BCAS1: variants seen among roughly 807,000 people sequenced by gnomAD.
BCAS1 encodes brain enriched myelin associated protein 1, also known as breast carcinoma-amplified sequence 1.
BCAS1 carries 46 observed loss-of-function variants against 65.4 expected under a neutral mutation model. The ratio of observed to expected loss-of-function variants is 0.70; its 90% CI spans 0.55 to 0.90. BCAS1 has a LOEUF of 0.90. BCAS1 is among the 40% of genes least tolerant of loss of function. BCAS1 has a pLI of 0.00. For missense variants in BCAS1, 793 were observed against 771.2 expected, an observed-to-expected ratio of 1.03 and a Z score of -0.33; for synonymous variants, 298 against 293.5, an observed-to-expected ratio of 1.02 and a Z score of -0.16.
At chr20:54,047,384 G>A (rs753034158) in intron 3 of BCAS1, among the ~76,000 whole-genome samples, 4 of 152,216 alleles carry the variant, frequency 2.6e-5, no homozygotes, top group South Asian at 2.1e-4. Context: ...GGGTTATTGC[G>A]TGGTGGGTTG....
At chr20:54,041,843 G>A (rs1334413822) in intron 3 of BCAS1, among the ~76,000 whole-genome samples, 3 of 94,862 alleles carry the variant, frequency 3.2e-5, no homozygotes, top group Non-Finnish European at 4.6e-5. Flanking sequence ...AGGTTGCAGT[G>A]AGCCGAGATT....
intron 4 of BCAS1, among the ~76,000 whole-genome samples, chr20:53,996,902 A>C (rs939861429): frequency 3.3e-5 from 5 of 152,092 alleles, no homozygotes; most frequent in Non-Finnish European, 5.9e-5. Context: ...GTGCTCCTTC[A>C]TTCCATTTTC....
intron 1 of BCAS1, among the ~76,000 whole-genome samples, chr20:54,060,898 AG>A (rs1287792608): frequency 6.6e-6 from 1 of 152,188 alleles, no homozygotes; most frequent in African/African-American, 2.4e-5. Context: ...TAGTCAATGG[AG>A]GGAATAACGA....
chr20:54,067,036 A>G (rs1269929224), intron 1 of BCAS1, among the ~76,000 whole-genome samples: 1 of 152,238 alleles, frequency 6.6e-6, no homozygotes, highest in Non-Finnish European at 1.5e-5. Flanking sequence ...CATTCTTGCA[A>G]TGAGAAAATT....
chr20:54,040,935 A>G (rs1035405148), intron 3 of BCAS1, among the ~76,000 whole-genome samples: 16 of 151,524 alleles, frequency 1.1e-4, no homozygotes, highest in African/African-American at 3.9e-4. Flanking sequence ...AACAACCCAA[A>G]TATCCATCAA....
At chr20:53,961,429 G>T (rs192539137) in intron 10 of BCAS1, among the ~76,000 whole-genome samples, 5 of 152,280 alleles carry the variant, frequency 3.3e-5, no homozygotes, top group Admixed American at 3.3e-4. Flanking sequence ...TCTGAGCTTA[G>T]TATTTTACCA....
At chr20:53,999,208 C>T (rs2090996384) in intron 4 of BCAS1, among the ~76,000 whole-genome samples, 2 of 152,196 alleles carry the variant, frequency 1.3e-5, no homozygotes, top group Non-Finnish European at 1.5e-5. Flanking sequence ...AGTAAAAACC[C>T]TTCATAACTT....
In BCAS1 at chr20:53,977,494, A is replaced by G. The variant is rs544597541; in HGVS notation, c.1276-2064T>C. Among the ~76,000 whole-genome samples the G allele has an allele frequency of 4.6e-5, 7 of 152,330 alleles. No individual in the cohort carries two copies. The East Asian group carries it at 1.3e-3, about 29-fold the overall frequency. Reference sequence around the variant, plus strand: ...TTAAGAACAGCACTTCTAGGTTTACATACCCTTTTTCCTGTCCCAGTTTAT... The same window carrying G: ...TTAAGAACAGCACTTCTAGGTTTACGTACCCTTTTTCCTGTCCCAGTTTAT... On this transcript the variant is annotated intron_variant, in intron 8 of 12. Coordinates refer to ENST00000688948, the MANE Select transcript of BCAS1 (RefSeq NM_001366298.2).
At position 53,944,543 on chromosome 20, in the gene BCAS1, A is replaced by T. The variant is rs2146161767; in HGVS notation, c.*379T>A. On this transcript the variant is annotated 3_prime_UTR_variant, in exon 13 of 13. Transcript: ENST00000688948. Reference sequence around the variant, plus strand: ...AGGCTAGTCTTGAACTCCTGACCTCAGGTGATCCACCTGCCTCGGCCTCCC... The same window carrying T: ...AGGCTAGTCTTGAACTCCTGACCTCTGGTGATCCACCTGCCTCGGCCTCCC... 2 of 222,050 alleles carry T rather than the reference A, an allele frequency of 9.0e-6. No individual in the cohort carries two copies. The highest frequency in any genetic ancestry group is 1.4e-4 in the South Asian group (2 of 14,614). The allele number at this position is 222,050 out of a possible 1,614,324, so 13.8% of individuals were successfully genotyped here.
chr20:53,995,111 T>C (rs943749051), intron 5 of BCAS1, 55 bp from the exon 6 acceptor site: 1 of 1,465,034 alleles, frequency 6.8e-7, no homozygotes, highest in Non-Finnish European at 9.5e-7. Context: ...AGAGTGATTT[T>C]TATTTCATAG....
intron 4 of BCAS1, among the ~76,000 whole-genome samples, chr20:54,018,671 C>T (rs908181427): frequency 2.0e-5 from 3 of 152,144 alleles, no homozygotes; most frequent in Non-Finnish European, 4.4e-5. Context: ...ACACTGGCTG[C>T]CTGATTGACT....
Position 54,028,582 on chromosome 20 carries a change from C to T in BCAS1, c.533G>A (p.Gly178Glu), listed in dbSNP as rs766272944. ...RDPTLLPPETGGAGGEAPSKP... is the reference protein window; with the variant it reads ...RDPTLLPPETEGAGGEAPSKP... Reference sequence around the variant, plus strand: ...GGAGGGAGCTTCTCCTCCTGCTCCCCCTGTCTCAGGTGGGAGAAGCGTGGG... The same window carrying T: ...GGAGGGAGCTTCTCCTCCTGCTCCCTCTGTCTCAGGTGGGAGAAGCGTGGG... Residue 178 changes from glycine (G) to glutamate (E), a missense_variant, in exon 4 of 13, where the codon GGG becomes GAG. Coordinates refer to ENST00000688948, the MANE Select transcript of BCAS1 (RefSeq NM_001366298.2). 4 of 1,614,164 alleles carry T rather than the reference C, an allele frequency of 2.5e-6. No individual in the cohort carries two copies. Among genetic ancestry groups the T allele is most frequent in the Non-Finnish European group, 3.4e-6 (4 of 1,180,032 alleles).
intron 10 of BCAS1, 25 bp from the exon 11 acceptor site, chr20:53,957,522 C>T (rs750271150): frequency 6.2e-7 from 1 of 1,603,138 alleles, no homozygotes; most frequent in Non-Finnish European, 8.5e-7. Flanking sequence ...AGACAATGGC[C>T]TTCAGCCACA....
intron 12 of BCAS1, among the ~76,000 whole-genome samples, chr20:53,951,458 C>T (rs985678835): frequency 9.9e-5 from 15 of 152,152 alleles, no homozygotes; most frequent in African/African-American, 2.4e-4. Flanking sequence ...GCAACAAGAG[C>T]GAAACTCCAT....
intron 3 of BCAS1, among the ~76,000 whole-genome samples, chr20:54,036,286 T>C (rs955528061): frequency 5.3e-5 from 8 of 151,222 alleles, no homozygotes; most frequent in Non-Finnish European, 1.0e-4. Flanking sequence ...TACTTTTCAT[T>C]TTTAAAAAAG....
At chr20:53,988,083 A>G (rs771706500) in intron 7 of BCAS1, among the ~76,000 whole-genome samples, 3 of 152,200 alleles carry the variant, frequency 2.0e-5, no homozygotes, top group Admixed American at 1.3e-4. Context: ...AATCTGCCGA[A>G]GTCATTAGAA....
At chr20:54,012,235 G>A (rs996283362) in intron 4 of BCAS1, among the ~76,000 whole-genome samples, 9 of 152,140 alleles carry the variant, frequency 5.9e-5, no homozygotes, top group African/African-American at 2.2e-4. Context: ...GGTTGCAGGA[G>A]GTAAGAAAAG....
At chr20:53,973,442 T>C (rs2145682284) in intron 9 of BCAS1, among the ~76,000 whole-genome samples, 1 of 152,366 alleles carries the variant, frequency 6.6e-6, no homozygotes, top group East Asian at 1.9e-4. Flanking sequence ...TTCCTGTTTA[T>C]ATTTCTATTT....
chr20:54,018,436 C>T (rs956100786), intron 4 of BCAS1, among the ~76,000 whole-genome samples: 1 of 147,356 alleles, frequency 6.8e-6, no homozygotes, highest in Non-Finnish European at 1.5e-5. Flanking sequence ...GAGTCTCGCT[C>T]TGTCATTCTC....
Sources: allele counts gnomAD v4.1 joint callset (sites outside exome capture counted in the v4.1 genomes callset), GRCh38; gene constraint gnomAD v4.1.1; transcripts MANE v1.5; gene names NCBI Gene and HGNC (gene_info 2026-07-23, HGNC 2026-07-21).